Variants in ZFAND3 observed in about 807,000 individuals in gnomAD.
The protein encoded by ZFAND3 is AN1-type zinc finger protein 3.
In ZFAND3, 10 loss-of-function variants were observed where a neutral mutation model predicts 29.6. The observed-to-expected ratio is 0.34, with a 90% CI of 0.21 to 0.57. The LOEUF is 0.57. ZFAND3 is among the 20% of genes least tolerant of loss of function. ZFAND3 has a pLI of 0.86. For synonymous variants in ZFAND3, 128 were observed against 112.6 expected, an observed-to-expected ratio of 1.14 and a Z score of -0.87; for missense variants, 230 against 304.5, an observed-to-expected ratio of 0.76 and a Z score of 1.82.
intron 1 of ZFAND3, among the ~76,000 whole-genome samples, chr6:37,925,275 G>T (rs1156683357): frequency 6.6e-6 from 1 of 152,178 alleles, no homozygotes; most frequent in Non-Finnish European, 1.5e-5. Context: ...AGTGGCCTAG[G>T]TGAGAGTTAA....
intron 1 of ZFAND3, among the ~76,000 whole-genome samples, chr6:37,836,378 A>G (rs1483398176): frequency 6.6e-6 from 1 of 152,220 alleles, no homozygotes; most frequent in African/African-American, 2.4e-5. Flanking sequence ...AGGTAGAAAA[A>G]GATGAGTTTG....
At chr6:38,089,240 A>AC (rs1257125957) in intron 4 of ZFAND3, among the ~76,000 whole-genome samples, 2 of 151,254 alleles carry the variant, frequency 1.3e-5, no homozygotes, top group Non-Finnish European at 1.5e-5. Context: ...CTCCTGCCTC[A>AC]CCCCCACCCC....
chr6:37,894,618 T>TGAG (rs1765164901), intron 1 of ZFAND3, among the ~76,000 whole-genome samples: 1 of 152,136 alleles, frequency 6.6e-6, no homozygotes, highest in Non-Finnish European at 1.5e-5. Context: ...GCAGTCCTCC[T>TGAG]GGCTTAGCCT....
intron 1 of ZFAND3, among the ~76,000 whole-genome samples, chr6:37,895,965 G>C (rs981889028): frequency 6.6e-6 from 1 of 152,048 alleles, no homozygotes; most frequent in African/African-American, 2.4e-5. Context: ...TCTTACTGAT[G>C]GGAACACGCA....
At chr6:38,126,588 C>G (rs1318189183) in intron 5 of ZFAND3, among the ~76,000 whole-genome samples, 2 of 152,172 alleles carry the variant, frequency 1.3e-5, no homozygotes, top group African/African-American at 4.8e-5. Flanking sequence ...TTTAGGTATT[C>G]TAGTGGCTGT....
At chr6:37,929,234 A>T (rs919901919) in intron 1 of ZFAND3, among the ~76,000 whole-genome samples, 1 of 152,214 alleles carries the variant, frequency 6.6e-6, no homozygotes, top group South Asian at 2.1e-4. Flanking sequence ...TCCTTGTTAC[A>T]GAAATGCTAA....
chr6:38,112,043 C>A, intron 4 of ZFAND3, among the ~76,000 whole-genome samples: 1 of 152,118 alleles, frequency 6.6e-6, no homozygotes, highest in East Asian at 1.9e-4. Context: ...TACTTTCAAA[C>A]CAAGAAAGCT....
At chr6:37,864,994 A>G (rs1164764727) in intron 1 of ZFAND3, among the ~76,000 whole-genome samples, 5 of 152,148 alleles carry the variant, frequency 3.3e-5, no homozygotes, top group Non-Finnish European at 7.3e-5. Flanking sequence ...AGCCTGGCCA[A>G]TATGGTGAAA....
chr6:37,886,237 CAAAAAAAAA>C (rs55661554), intron 1 of ZFAND3, among the ~76,000 whole-genome samples: 20 of 95,274 alleles, frequency 2.1e-4, no homozygotes, highest in African/African-American at 5.7e-4. Context: ...GACTCTGTCT[CAAAAAAAAA>C]AAAAAAAAAA....
intron 4 of ZFAND3, among the ~76,000 whole-genome samples, chr6:38,112,557 A>G (rs1285284258): frequency 1.3e-5 from 2 of 152,254 alleles, no homozygotes; most frequent in Non-Finnish European, 2.9e-5. Context: ...GAAATTGGCA[A>G]TGCTTCACGG....
chr6:37,874,589 G>T (rs1420008850), intron 1 of ZFAND3, among the ~76,000 whole-genome samples: 1 of 150,762 alleles, frequency 6.6e-6, no homozygotes, highest in African/African-American at 2.4e-5. Context: ...CCACCCTAAT[G>T]ATCTCATTTT....
chr6:37,830,447 A>G (rs1763839723), intron 1 of ZFAND3, among the ~76,000 whole-genome samples: 1 of 152,168 alleles, frequency 6.6e-6, no homozygotes, highest in South Asian at 2.1e-4. Flanking sequence ...GAAGTGTGGT[A>G]TGTGAGTCCC....
At chr6:37,918,088 T>C (rs1377020274) in intron 1 of ZFAND3, among the ~76,000 whole-genome samples, 1 of 152,120 alleles carries the variant, frequency 6.6e-6, no homozygotes, top group African/African-American at 2.4e-5. Flanking sequence ...TTTGTTTTTG[T>C]TTTTTTGATA....
chr6:37,862,518 CAAAAAA>C (rs79671764), intron 1 of ZFAND3, among the ~76,000 whole-genome samples: 3 of 111,608 alleles, frequency 2.7e-5, no homozygotes, highest in Non-Finnish European at 5.8e-5. Context: ...CCTATCTTTC[CAAAAAA>C]AAAAAAAAGA....
intron 4 of ZFAND3, among the ~76,000 whole-genome samples, chr6:38,109,260 G>A (rs1014116780): frequency 9.5e-5 from 14 of 147,878 alleles, no homozygotes; most frequent in Admixed American, 7.0e-5. Context: ...TTGGCTCACT[G>A]CAACCTCCAC....
intron 2 of ZFAND3, among the ~76,000 whole-genome samples, chr6:37,947,897 C>T (rs369646860): frequency 2.0e-5 from 3 of 152,102 alleles, no homozygotes; most frequent in South Asian, 2.1e-4. Context: ...CTTAGTATTT[C>T]CTTTCTTTTT....
chr6:37,950,975 CAA>C (rs1316011167), intron 2 of ZFAND3, among the ~76,000 whole-genome samples: 4 of 152,174 alleles, frequency 2.6e-5, no homozygotes, highest in African/African-American at 9.7e-5. Flanking sequence ...GCCATTTTAA[CAA>C]TATTGATTCT....
At chr6:38,091,819 T>C (rs72852565) in intron 4 of ZFAND3, among the ~76,000 whole-genome samples, 9,905 of 151,686 alleles carry the variant, frequency 0.065, 401 homozygotes, top group Non-Finnish European at 0.094. Flanking sequence ...AGCTGAGGCA[T>C]GGAGGCCTTA....
chr6:37,975,911 C>T (rs1432387772), intron 2 of ZFAND3, among the ~76,000 whole-genome samples: 1 of 151,952 alleles, frequency 6.6e-6, no homozygotes, highest in East Asian at 1.9e-4. Flanking sequence ...TCAGTTTCTC[C>T]CAAAAATCCT....
Sources: gnomAD v4.1 joint callset for allele counts (sites outside exome capture counted in the v4.1 genomes callset) on GRCh38, gnomAD v4.1.1 for gene constraint, MANE v1.5 for transcripts, NCBI Gene and HGNC (gene_info 2026-07-23, HGNC 2026-07-21) for gene names.